Variants in ZNF423 observed in about 807,000 individuals in gnomAD.
ZNF423 encodes Ebf-associated zinc finger protein.
A neutral mutation model predicts 95.8 loss-of-function variants in ZNF423; 12 were observed. The ratio of observed to expected loss-of-function variants is 0.13; its 90% CI spans 0.08 to 0.20. The LOEUF is 0.20. ZNF423 is among the 10% of genes least tolerant of loss of function. The pLI, the probability that ZNF423 is intolerant of heterozygous loss-of-function variation, is 1.00. For missense variants in ZNF423, 1,316 were observed against 1,737.1 expected (o/e 0.76, Z 4.31); for synonymous variants, 749 against 711.9 (o/e 1.05, Z -0.83).
At chr16:49,819,279 C>T (rs62029416) in intron 1 of ZNF423, among the ~76,000 whole-genome samples, 36,634 of 148,388 alleles carry the variant, frequency 0.25, 5,399 homozygotes, top group Middle Eastern at 0.4. Context: ...ATGGCAGTTC[C>T]TCAGTCCCAC....
intron 2 of ZNF423, among the ~76,000 whole-genome samples, chr16:49,775,661 A>T (rs2034108973): frequency 6.6e-6 from 1 of 152,182 alleles, no homozygotes; most frequent in Non-Finnish European, 1.5e-5. Flanking sequence ...CACAGTGAAT[A>T]CACTTAATTT....
chr16:49,788,498 T>C (rs982827842), intron 2 of ZNF423, among the ~76,000 whole-genome samples: 2 of 152,258 alleles, frequency 1.3e-5, no homozygotes, highest in Non-Finnish European at 2.9e-5. Flanking sequence ...AATGTTTATA[T>C]ACCTGATGCC....
chr16:49,730,906 C>T lies in ZNF423; in HGVS notation c.166G>A (p.Val56Met), dbSNP rs772307020. The T allele has an allele frequency of 1.3e-5, 21 of 1,614,110 alleles. No individual in the cohort carries two copies. In the East Asian group the frequency reaches 3.8e-4, roughly 29 times the overall value. Residue 56 changes from valine to methionine, a missense_variant, in exon 3 of 8, where the codon GTG becomes ATG. Coordinates refer to ENST00000563137, the MANE Select transcript of ZNF423 (RefSeq NM_001379286.1). ...TCATTTCTCTCCTCTTGACTTGTCA[C>T]GCTGTTCCTGTCTTCCAGCGCACGG... ...TSRALEDRNSVTSQEERNEDD... is the reference protein window; with the variant it reads ...TSRALEDRNSMTSQEERNEDD...
chr16:49,504,054 C>T (rs180998115), intron 7 of ZNF423, among the ~76,000 whole-genome samples: 4 of 152,176 alleles, frequency 2.6e-5, no homozygotes, highest in African/African-American at 9.6e-5. Context: ...ACAGCCAAAT[C>T]ATAGAGATGG....
intron 3 of ZNF423, among the ~76,000 whole-genome samples, chr16:49,696,423 A>C (rs966900536): frequency 6.6e-6 from 1 of 152,222 alleles, no homozygotes; most frequent in East Asian, 1.9e-4. Context: ...CAAGGCTACC[A>C]GAGAAGGACC....
At chr16:49,709,725 A>G (rs2032484169) in intron 3 of ZNF423, among the ~76,000 whole-genome samples, 1 of 152,210 alleles carries the variant, frequency 6.6e-6, no homozygotes, top group Non-Finnish European at 1.5e-5. Flanking sequence ...TTTCCTTATC[A>G]AAAAGCCCCA....
In ZNF423 at chr16:49,727,243, T is replaced by G. The variant is rs550734603; in HGVS notation, c.301+3528A>C. The stretch of plus-strand genomic sequence containing the variant: ...GCTTCAACAGCTCATGGGCCCGGCA[T>G]GCCACTCCTGCTGAGGACAACAGAG... On this transcript the variant is annotated intron_variant, in intron 3 of 7. Coordinates refer to ENST00000563137, the MANE Select transcript of ZNF423 (RefSeq NM_001379286.1). 1.2e-4 allele frequency among the ~76,000 whole-genome samples: 19 copies of G among 152,306 alleles called. No homozygotes were observed. In the East Asian group the frequency reaches 3.7e-3, roughly 29 times the overall value.
chr16:49,536,923 G>A (rs866567239), intron 5 of ZNF423, among the ~76,000 whole-genome samples: 11 of 152,200 alleles, frequency 7.2e-5, no homozygotes, highest in African/African-American at 2.7e-4. Context: ...TGTAATCCCA[G>A]AACCTACAAC....
intron 3 of ZNF423, among the ~76,000 whole-genome samples, chr16:49,677,957 T>C (rs1056794088): frequency 6.2e-4 from 94 of 151,788 alleles, no homozygotes; most frequent in African/African-American, 2.1e-3. Flanking sequence ...CCGAGGCGGG[T>C]AGATCATTTG....
chr16:49,642,088 A>G, intron 3 of ZNF423, among the ~76,000 whole-genome samples: 1 of 152,264 alleles, frequency 6.6e-6, no homozygotes, highest in East Asian at 1.9e-4. Context: ...AAGTGCTAAC[A>G]ATATTAACAG....
intron 7 of ZNF423, among the ~76,000 whole-genome samples, chr16:49,494,705 G>A (rs549887258): frequency 6.6e-6 from 1 of 152,314 alleles, no homozygotes; most frequent in East Asian, 1.9e-4. Context: ...AGGCAGAGGA[G>A]GTGGTGGGAC....
intron 3 of ZNF423, among the ~76,000 whole-genome samples, chr16:49,682,066 AC>A (rs1240232933): frequency 3.0e-5 from 4 of 134,748 alleles, no homozygotes; most frequent in Non-Finnish European, 4.7e-5. Flanking sequence ...TCCTCTAATT[AC>A]CCCCCAGTCT....
At chr16:49,793,875 A>C (rs2034455202) in intron 1 of ZNF423, among the ~76,000 whole-genome samples, 1 of 152,198 alleles carries the variant, frequency 6.6e-6, no homozygotes, top group Admixed American at 6.5e-5. Flanking sequence ...ATGAAGCCCC[A>C]GCTCCAGAGC....
At chr16:49,789,298 C>T (rs774561827) in intron 2 of ZNF423, among the ~76,000 whole-genome samples, 189 bp downstream of exon 2, 4 of 152,124 alleles carry the variant, frequency 2.6e-5, no homozygotes, top group Non-Finnish European at 5.9e-5. Context: ...ATATTAGTCT[C>T]CGTATGTAAT....
intron 1 of ZNF423, among the ~76,000 whole-genome samples, chr16:49,798,722 A>T (rs1294375725): frequency 6.6e-6 from 1 of 152,222 alleles, no homozygotes; most frequent in Non-Finnish European, 1.5e-5. Context: ...TATAACAGGC[A>T]ATTTTGGCAA....
intron 1 of ZNF423, among the ~76,000 whole-genome samples, chr16:49,794,726 A>G (rs2034472141): frequency 6.6e-6 from 1 of 152,152 alleles, no homozygotes; most frequent in Non-Finnish European, 1.5e-5. Context: ...GCCCCTGCTA[A>G]CCCGAACACC....
chr16:49,710,961 C>T (rs1283947384), intron 3 of ZNF423, among the ~76,000 whole-genome samples: 1 of 152,148 alleles, frequency 6.6e-6, no homozygotes, highest in Non-Finnish European at 1.5e-5. Flanking sequence ...CCAGCTGCAC[C>T]AGAAGCTGCC....
chr16:49,693,567 T>G (rs1380613579), intron 3 of ZNF423, among the ~76,000 whole-genome samples: 1 of 152,208 alleles, frequency 6.6e-6, no homozygotes. Context: ...ACCCGCTATG[T>G]GATTCAGGTA....
chr16:49,815,877 AAAAAATATAT>A (rs1444600895), intron 1 of ZNF423, among the ~76,000 whole-genome samples: 9 of 64,094 alleles, frequency 1.4e-4, no homozygotes, highest in Non-Finnish European at 1.7e-4. Context: ...AAACAAAAAA[AAAAAATATAT>A]ATATATATAT....
Sources: allele counts gnomAD v4.1 joint callset (sites outside exome capture counted in the v4.1 genomes callset), GRCh38; gene constraint gnomAD v4.1.1; transcripts MANE v1.5; gene names NCBI Gene and HGNC (gene_info 2026-07-23, HGNC 2026-07-21).